BCO2: variants seen among roughly 807,000 people sequenced by gnomAD.
BCO2 encodes carotenoid-cleaving dioxygenase, mitochondrial.
In BCO2, 56 loss-of-function variants were observed where a neutral mutation model predicts 65.8. The observed-to-expected ratio is 0.85, with a 90% CI of 0.69 to 1.06. BCO2 has a LOEUF of 1.06. BCO2 is among the 50% of genes least tolerant of loss of function. The probability of loss-of-function intolerance (pLI) is 0.00; values close to 1 mark genes in which losing one functional copy is unlikely to be tolerated. For missense variants in BCO2, 675 were observed against 698.5 expected (o/e 0.97, Z 0.38); for synonymous variants, 233 against 242.3 (o/e 0.96, Z 0.36).
intron 2 of BCO2, among the ~76,000 whole-genome samples, chr11:112,189,998 A>C (rs1265642288): frequency 6.6e-6 from 1 of 152,214 alleles, no homozygotes. Context: ...GATAAAGTAC[A>C]AAATAGGCCA....
chr11:112,187,541 C>T (rs1391954369), intron 2 of BCO2, among the ~76,000 whole-genome samples: 5 of 150,586 alleles, frequency 3.3e-5, no homozygotes, highest in Non-Finnish European at 7.4e-5. Flanking sequence ...CTGAAGCCTC[C>T]TTCATTCTCC....
In BCO2 at chr11:112,199,710, A is replaced by G. The variant is rs756857684; in HGVS notation, c.748A>G (p.Lys250Glu). ...TTTTCATTTTTCAGGTTTCTCCTAT[A>G]AGGTTATTCGGGTTCCTCCAGAGAA... ...NSFGPYGFSY[K>E]VIRVPPEKVD... Residue 250 changes from lysine to glutamate, a missense_variant, in exon 6 of 12, where the codon AAG (lysine) becomes GAG (glutamate). By Grantham distance (56) the Lys-to-Glu change is moderately conservative (BLOSUM62 1). Transcript: ENST00000357685. The G allele has an allele frequency of 6.2e-7, 1 of 1,613,606 alleles. No homozygotes were observed. Among genetic ancestry groups the G allele is most frequent in the Non-Finnish European group, 8.5e-7 (1 of 1,179,554 alleles).
chr11:112,217,939 A>G lies in BCO2; in HGVS notation c.*65A>G, dbSNP rs1479083571. On this transcript the variant is annotated 3_prime_UTR_variant, in exon 12 of 12. Transcript: ENST00000357685. ...GTGTGCACTTGGACATAAAGACTGG[A>G]GAAATAAACACTGAGGACTCCAAAA... 8.3e-7 allele frequency: 1 copy of G among 1,200,832 alleles called. No individual in the cohort carries two copies. Among genetic ancestry groups the G allele is most frequent in the Admixed American group, 2.2e-5 (1 of 45,570 alleles). The allele number at this position is 1,200,832 out of a possible 1,614,324, so 74.4% of individuals were successfully genotyped here.
intron 2 of BCO2, among the ~76,000 whole-genome samples, chr11:112,189,685 A>C (rs907425934): frequency 6.6e-6 from 1 of 152,142 alleles, no homozygotes; most frequent in Non-Finnish European, 1.5e-5. Flanking sequence ...TACAGGCGTA[A>C]GCCACAGCAC....
intron 2 of BCO2, among the ~76,000 whole-genome samples, chr11:112,186,705 G>T (rs1205425512): frequency 6.6e-6 from 1 of 152,122 alleles, no homozygotes; most frequent in Non-Finnish European, 1.5e-5. Context: ...TTAAAGTTAT[G>T]TGAAGGCTGG....
chr11:112,182,841 T>TTA (rs113603900), intron 2 of BCO2: 40 of 789,148 alleles, frequency 5.1e-5, no homozygotes, highest in African/African-American at 3.7e-4. Context: ...ACCCTAGAAC[T>TTA]TATATATATA....
At chr11:112,188,556 G>A (rs1867272909) in intron 2 of BCO2, among the ~76,000 whole-genome samples, 1 of 152,010 alleles carries the variant, frequency 6.6e-6, no homozygotes. Flanking sequence ...CACCTGCTCC[G>A]CCCACATGCT....
intron 8 of BCO2, among the ~76,000 whole-genome samples, chr11:112,209,402 C>T (rs1859444147): frequency 6.6e-6 from 1 of 152,128 alleles, no homozygotes; most frequent in African/African-American, 2.4e-5. Flanking sequence ...TTTAAGGTTC[C>T]TCTGTGTCTT....
At chr11:112,177,945 G>A (rs1866928661) in intron 1 of BCO2, among the ~76,000 whole-genome samples, 1 of 127,442 alleles carries the variant, frequency 7.8e-6, no homozygotes, top group African/African-American at 2.9e-5. Context: ...TTTCGCTCTT[G>A]TTGCCCAGGC....
chr11:112,198,183 C>T (rs189698607), intron 5 of BCO2, among the ~76,000 whole-genome samples: 19 of 152,158 alleles, frequency 1.2e-4, no homozygotes, highest in African/African-American at 4.6e-4. Context: ...TTTGTCTGAG[C>T]ACAGTGGCTC....
chr11:112,215,690 A>T (rs2135399444), intron 10 of BCO2: 1 of 152,268 alleles, frequency 6.6e-6, no homozygotes, highest in East Asian at 1.9e-4. Flanking sequence ...GCCTGGCGAC[A>T]GTGCGAGATT....
At chr11:112,195,499 G>A (rs915819770) in intron 5 of BCO2, among the ~76,000 whole-genome samples, 3 of 151,184 alleles carry the variant, frequency 2.0e-5, no homozygotes, top group Non-Finnish European at 2.9e-5. Context: ...CTGGAATGCC[G>A]TGGCACGATC....
chr11:112,181,820 T>C (rs1867059197), intron 2 of BCO2: 3 of 926,982 alleles, frequency 3.2e-6, no homozygotes, highest in Non-Finnish European at 5.4e-6. Context: ...TAAGCTGCTG[T>C]AATCTTGCAC....
At chr11:112,176,442 C>T (rs1345231248) in intron 1 of BCO2, 3 of 128,534 alleles carry the variant, frequency 2.3e-5, no homozygotes, top group Non-Finnish European at 4.6e-5. Flanking sequence ...GCAACTGGAT[C>T]TTGAAGGATG....
rs577645663 is a variant in BCO2, at chr11:112,201,093, TG to T, written c.1026+321del. On this transcript the variant is annotated intron_variant, in intron 7 of 11. Transcript: ENST00000357685. ...GGGTGTTGTTCGTGCAGAAATCTTC[TG>T]TAATTTTTGCAGTAATACTTTAATT... 2.0e-4 allele frequency among the ~76,000 whole-genome samples: 30 copies of T among 152,316 alleles called. No individual in the cohort carries two copies. The East Asian group carries it at 5.0e-3, about 25-fold the overall frequency.
chr11:112,210,073 A>G (rs1267517143), intron 8 of BCO2, among the ~76,000 whole-genome samples: 1 of 152,210 alleles, frequency 6.6e-6, no homozygotes, highest in African/African-American at 2.4e-5. Context: ...TCAACAGTAA[A>G]GCCTTCCAGA....
In BCO2 at chr11:112,214,909, C is replaced by G. The variant is rs140943596; in HGVS notation, c.1480C>G (p.Leu494Val). The change falls in exon 10 of 12, where the codon CTG becomes GTG. Residue 494 changes from leucine to valine, a missense_variant. Physicochemically the swap from Leu to Val is conservative, Grantham distance 32. Coordinates refer to ENST00000357685, the MANE Select transcript of BCO2 (RefSeq NM_031938.7). ...CGFRHLVGDS[L>V]IKVDVVNKTL... ...CTTTCGGCATTTAGTGGGGGATTCT[C>G]TGATCAAGGTTGATGTGGTGAATAA... The G allele has an allele frequency of 1.0e-4, 164 of 1,614,046 alleles. 1 individual carries two copies. In the Middle Eastern group the frequency reaches 1.5e-3, roughly 15 times the overall value.
rs750561934 is a variant in BCO2 at position 112,175,703 on chromosome 11, C to T, written c.88+14C>T. 3.1e-6 allele frequency: 5 copies of T among 1,603,152 alleles called. No homozygotes were observed. Among genetic ancestry groups the T allele is most frequent in the Non-Finnish European group, 4.3e-6 (5 of 1,170,152 alleles). ...ACCGGCTCCCAGGTAGAGGGTTTGC[C>T]CCTTTCTCTTCCTCATCCTCCTCTT... On this transcript the variant is annotated intron_variant, in intron 1 of 11. Transcript: ENST00000357685.
intron 1 of BCO2, chr11:112,176,519 G>GT (rs1555193541): frequency 2.3e-5 from 3 of 130,878 alleles, no homozygotes; most frequent in African/African-American, 9.8e-5. Flanking sequence ...TTGATTGGCG[G>GT]GGGGGGGGGA....
Sources: gnomAD v4.1 joint callset for allele counts (sites outside exome capture counted in the v4.1 genomes callset) on GRCh38, gnomAD v4.1.1 for gene constraint, MANE v1.5 for transcripts, NCBI Gene and HGNC (gene_info 2026-07-23, HGNC 2026-07-21) for gene names.